Variants in PDZD2 observed in about 807,000 individuals in gnomAD.
The protein encoded by PDZD2 is PDZ domain-containing protein 2.
In PDZD2, 90 loss-of-function variants were observed where a neutral mutation model predicts 220.7. The observed-to-expected ratio is 0.41, with a 90% CI of 0.34 to 0.49. PDZD2 has a LOEUF of 0.49. Ranked by LOEUF, PDZD2 falls within the 20% of genes least tolerant of loss-of-function variation. The pLI is 0.28. For missense variants in PDZD2, 3,174 were observed against 3,608.5 expected, an observed-to-expected ratio of 0.88 and a Z score of 3.08; for synonymous variants, 1,375 against 1,450.5, an observed-to-expected ratio of 0.95 and a Z score of 1.18.
chr5:31,852,107 G>A (rs575938402), intron 2 of PDZD2, among the ~76,000 whole-genome samples: 68 of 151,906 alleles, frequency 4.5e-4, no homozygotes, highest in African/African-American at 1.4e-3. Flanking sequence ...CGCCTGCCTC[G>A]GCCTCCCAAA....
chr5:31,781,912 T>C (rs1286107924), intron 1 of PDZD2, among the ~76,000 whole-genome samples: 4 of 150,038 alleles, frequency 2.7e-5, no homozygotes, highest in Non-Finnish European at 5.9e-5. Flanking sequence ...AGGAGCAGAT[T>C]TGGGCATATG....
chr5:31,852,849 G>T (rs570423544), intron 2 of PDZD2, among the ~76,000 whole-genome samples: 2 of 152,248 alleles, frequency 1.3e-5, no homozygotes, highest in African/African-American at 4.8e-5. Context: ...CACCCACCTC[G>T]ACCTCCCAAA....
intron 2 of PDZD2, among the ~76,000 whole-genome samples, chr5:31,920,310 A>C (rs1744104017): frequency 6.6e-6 from 1 of 151,504 alleles, no homozygotes; most frequent in Non-Finnish European, 1.5e-5. Context: ...AAATAAATAA[A>C]TAATTTTTTC....
intron 1 of PDZD2, among the ~76,000 whole-genome samples, chr5:31,740,557 A>AAAAAAAAAAAAAAG (rs1750194309): frequency 7.1e-6 from 1 of 141,060 alleles, no homozygotes; most frequent in Non-Finnish European, 1.5e-5. Context: ...AAAAAAAAAA[A>AAAAAAAAAAAAAAG]ATCTGCTGTT....
At chr5:31,982,200 T>G (rs1232387298) in intron 2 of PDZD2, among the ~76,000 whole-genome samples, 2 of 152,250 alleles carry the variant, frequency 1.3e-5, no homozygotes, top group Non-Finnish European at 2.9e-5. Context: ...ACACTCCATG[T>G]GTGCTGTGAT....
intron 6 of PDZD2, among the ~76,000 whole-genome samples, chr5:32,033,084 G>T (rs2112202399): frequency 6.6e-6 from 1 of 152,326 alleles, no homozygotes; most frequent in Non-Finnish European, 1.5e-5. Flanking sequence ...GCATTGTTTT[G>T]TAACACATGA....
intron 1 of PDZD2, among the ~76,000 whole-genome samples, chr5:31,752,842 C>T (rs1751089394): frequency 6.6e-6 from 1 of 152,010 alleles, no homozygotes; most frequent in Non-Finnish European, 1.5e-5. Context: ...TTGCTTCCTC[C>T]TCTGAACCCC....
intron 6 of PDZD2, among the ~76,000 whole-genome samples, chr5:32,028,123 A>T (rs7723301): frequency 0.032 from 4,901 of 152,122 alleles, 113 homozygotes; most frequent in South Asian, 0.065. Context: ...TTTCTTTGGG[A>T]CTAGGCAAGC....
At chr5:32,023,301 G>A (rs1259497285) in intron 6 of PDZD2, among the ~76,000 whole-genome samples, 1 of 152,024 alleles carries the variant, frequency 6.6e-6, no homozygotes, top group Non-Finnish European at 1.5e-5. Context: ...ACTCTCCACT[G>A]AGGTCCCCAC....
chr5:31,928,572 T>C (rs4867093), intron 2 of PDZD2, among the ~76,000 whole-genome samples: 113,304 of 151,884 alleles, frequency 0.75, 42,790 homozygotes, highest in East Asian at 0.94. Context: ...GCCTCCCAGG[T>C]TCAAGGGGTT....
At chr5:31,747,317 G>A (rs932396548) in intron 1 of PDZD2, among the ~76,000 whole-genome samples, 31 of 152,310 alleles carry the variant, frequency 2.0e-4, no homozygotes, top group South Asian at 6.2e-4. Context: ...TTGGACAAAG[G>A]GGGTATGATC....
At chr5:32,040,398 G>A (rs373247877) in intron 7 of PDZD2, among the ~76,000 whole-genome samples, 10 of 146,592 alleles carry the variant, frequency 6.8e-5, no homozygotes, top group Admixed American at 2.0e-4. Context: ...CTGCCCGGCC[G>A]CCACCCTGTC....
At chr5:31,660,031 A>T (rs1168431011) in intron 1 of PDZD2, among the ~76,000 whole-genome samples, 1 of 152,184 alleles carries the variant, frequency 6.6e-6, no homozygotes, top group Non-Finnish European at 1.5e-5. Flanking sequence ...TCCTAAGGTG[A>T]CCCAGCTGGG....
chr5:31,743,161 G>C (rs975926665), intron 1 of PDZD2, among the ~76,000 whole-genome samples: 109 of 151,760 alleles, frequency 7.2e-4, no homozygotes, highest in Non-Finnish European at 4.7e-4. Flanking sequence ...TTTCATATTA[G>C]GTTATATTCT....
Position 31,750,748 on chromosome 5 carries a change from A to G in PDZD2, c.-360-48141A>G, listed in dbSNP as rs975927408. Among the ~76,000 whole-genome samples, 69 of 152,184 alleles carry G rather than the reference A, an allele frequency of 4.5e-4. 2 individuals carry two copies. The highest frequency in any genetic ancestry group is 4.5e-3 in the Admixed American group (69 of 15,286). The stretch of plus-strand genomic sequence containing the variant: ...AGCAAGGGGCCACTGTTCCTGGTGC[A>G]TTCCCACCAGTGAGAGGGGCTGCCG... On this transcript the variant is annotated intron_variant, in intron 1 of 24. Transcript: ENST00000438447.
chr5:31,776,954 CCTCA>C (rs1442656602), intron 1 of PDZD2, among the ~76,000 whole-genome samples: 1 of 152,086 alleles, frequency 6.6e-6, no homozygotes, highest in Non-Finnish European at 1.5e-5. Flanking sequence ...TGCTGGCGGC[CCTCA>C]CTCACTCTCA....
chr5:31,768,452 C>T (rs1201905688), intron 1 of PDZD2, among the ~76,000 whole-genome samples: 1 of 151,958 alleles, frequency 6.6e-6, no homozygotes, highest in Non-Finnish European at 1.5e-5. Flanking sequence ...ACTAGCCTGG[C>T]CAACATAGTG....
intron 2 of PDZD2, among the ~76,000 whole-genome samples, chr5:31,946,317 A>C (rs1389260284): frequency 6.6e-6 from 1 of 152,110 alleles, no homozygotes; most frequent in East Asian, 1.9e-4. Flanking sequence ...ATGCTATTTT[A>C]TACCAGTCTC....
chr5:31,971,333 G>A (rs1749280013), intron 2 of PDZD2, among the ~76,000 whole-genome samples: 1 of 152,192 alleles, frequency 6.6e-6, no homozygotes, highest in Non-Finnish European at 1.5e-5. Context: ...AGGAAGAATG[G>A]AAGAGCAGAA....
Sources: allele counts gnomAD v4.1 joint callset (sites outside exome capture counted in the v4.1 genomes callset), GRCh38; gene constraint gnomAD v4.1.1; transcripts MANE v1.5; gene names NCBI Gene and HGNC (gene_info 2026-07-23, HGNC 2026-07-21).